The following DCP1A variants were observed in gnomAD, a reference collection of about 807,000 sequenced individuals.
The protein encoded by DCP1A is mRNA-decapping enzyme 1A.
DCP1A carries 20 observed loss-of-function variants against 58.0 expected under a neutral mutation model. That is an observed-to-expected ratio of 0.34 (90% CI 0.24 to 0.50). The LOEUF (loss-of-function observed/expected upper bound fraction) is 0.50, where lower values mean the gene tolerates loss of function less well. Among genes scored for constraint, DCP1A ranks in the 20% least tolerant of loss-of-function variants. The pLI is 0.98. For missense variants in DCP1A, 613 were observed against 712.2 expected (o/e 0.86, Z 1.59); for synonymous variants, 285 against 275.1 (o/e 1.04, Z -0.36).
At chr3:53,308,750 T>C (rs1386015846) in intron 5 of DCP1A, among the ~76,000 whole-genome samples, 3 of 152,020 alleles carry the variant, frequency 2.0e-5, no homozygotes, top group Admixed American at 6.6e-5. Flanking sequence ...TGTGCCACCA[T>C]GCCTAACTAA....
chr3:53,296,945 T>C (rs1010994581), intron 6 of DCP1A, among the ~76,000 whole-genome samples: 1 of 152,248 alleles, frequency 6.6e-6, no homozygotes, highest in African/African-American at 2.4e-5. Context: ...GTTTAACTTT[T>C]TGAGGAATCA....
chr3:53,333,613 G>A (rs2089056074), intron 3 of DCP1A, among the ~76,000 whole-genome samples: 1 of 151,708 alleles, frequency 6.6e-6, no homozygotes, highest in African/African-American at 2.4e-5. Context: ...AGACAGCCTG[G>A]GCAATAAAGC....
chr3:53,318,304 A>T, intron 4 of DCP1A, among the ~76,000 whole-genome samples: 1 of 152,012 alleles, frequency 6.6e-6, no homozygotes, highest in South Asian at 2.1e-4. Flanking sequence ...GACTCTGTCT[A>T]AAAAAAACCA....
intron 3 of DCP1A, among the ~76,000 whole-genome samples, chr3:53,327,218 A>G (rs1708134963): frequency 6.6e-6 from 1 of 152,024 alleles, no homozygotes; most frequent in African/African-American, 2.4e-5. Context: ...TCTCCTACAC[A>G]TTTTTCTACC....
intron 8 of DCP1A, chr3:53,290,503 GGGAGAGGA>G: frequency 1.8e-6 from 1 of 568,892 alleles, no homozygotes; most frequent in Non-Finnish European, 3.1e-6. Flanking sequence ...AGGACGGGGT[GGGAGAGGA>G]CCTGGCCTAG....
chr3:53,318,534 T>C (rs1229984064), intron 4 of DCP1A, among the ~76,000 whole-genome samples: 1 of 151,898 alleles, frequency 6.6e-6, no homozygotes, highest in Non-Finnish European at 1.5e-5. Context: ...GTCTACCTAT[T>C]ATAGCATTTT....
At chr3:53,332,857 C>CA (rs782238241) in intron 3 of DCP1A, among the ~76,000 whole-genome samples, 2,091 of 132,900 alleles carry the variant, frequency 0.016, 45 homozygotes, top group African/African-American at 0.052. Context: ...GACTCCGTTT[C>CA]AAAAAAAAAA....
In DCP1A at chr3:53,320,195, C is replaced by G. The variant is rs190319390; in HGVS notation, c.305-722G>C. On this transcript the variant is annotated intron_variant, in intron 3 of 9. Transcript: ENST00000610213. ...TCAAAACAAACCCCAGCTCTATATCCATCCTATGACTGACTGTTTACATGT... is the reference window on the plus strand; with the variant it reads ...TCAAAACAAACCCCAGCTCTATATCGATCCTATGACTGACTGTTTACATGT... Among the ~76,000 whole-genome samples the G allele has an allele frequency of 2.6e-3, 394 of 151,988 alleles. 4 individuals are homozygous for G. Among genetic ancestry groups the G allele is most frequent in the Admixed American group, 0.022 (331 of 15,248 alleles).
chr3:53,313,314 A>C (rs546765132), intron 4 of DCP1A, among the ~76,000 whole-genome samples: 1 of 152,170 alleles, frequency 6.6e-6, no homozygotes, highest in South Asian at 2.1e-4. Context: ...AGCTATTTGG[A>C]AGGCTGAGGT....
intron 6 of DCP1A, among the ~76,000 whole-genome samples, chr3:53,302,441 T>C (rs782723818): frequency 1.1e-4 from 16 of 152,192 alleles, no homozygotes; most frequent in Non-Finnish European, 2.1e-4. Context: ...ACTGCCCTTC[T>C]TTCCCGTAAG....
chr3:53,329,427 T>C lies in DCP1A; in HGVS notation c.305-9954A>G, dbSNP rs2088941835. On this transcript the variant is annotated intron_variant, in intron 3 of 9. Coordinates refer to ENST00000610213, the MANE Select transcript of DCP1A (RefSeq NM_018403.7). ...AGTGAAGCAGAAACGAAGGGGTACT[T>C]CTCTCTGGCTTTTGGAGGTAAGTTC... 4 of 398,552 alleles carry C rather than the reference T, an allele frequency of 1.0e-5. No individual in the cohort carries two copies. In the South Asian group the frequency reaches 5.1e-4, roughly 51 times the overall value. 24.7% of individuals were successfully genotyped at this position (398,552 alleles called of 1,614,324 possible). A position where few individuals can be genotyped will look rare whatever the true frequency, so the allele number is the denominator to read the frequency against.
At chr3:53,294,703 C>T (rs1707056453) in intron 6 of DCP1A, among the ~76,000 whole-genome samples, 1 of 152,210 alleles carries the variant, frequency 6.6e-6, no homozygotes. Flanking sequence ...CTGCTCCTTT[C>T]CAGCTGTGTG....
chr3:53,309,196 C>G (rs782501213), intron 5 of DCP1A, among the ~76,000 whole-genome samples: 1 of 151,584 alleles, frequency 6.6e-6, no homozygotes, highest in Non-Finnish European at 1.5e-5. Context: ...ATGGTGAAAC[C>G]CTGTCTCTAC....
At chr3:53,311,641 C>T (rs1397914050) in intron 5 of DCP1A, among the ~76,000 whole-genome samples, 4 of 152,280 alleles carry the variant, frequency 2.6e-5, no homozygotes, top group Non-Finnish European at 4.4e-5. Context: ...GCATCTACCA[C>T]CAATTACAGA....
rs541030727 is a variant in DCP1A at position 53,288,442 on chromosome 3, T to C, written c.1450-159A>G. 1.8e-5 allele frequency: 11 copies of C among 609,832 alleles called. No individual in the cohort carries two copies. The East Asian group carries it at 3.0e-4, about 17-fold the overall frequency. 37.8% of individuals were successfully genotyped at this position (609,832 alleles called of 1,614,324 possible). A position where few individuals can be genotyped will look rare whatever the true frequency, so the allele number is the denominator to read the frequency against. On this transcript the variant is annotated intron_variant, in intron 8 of 9. Coordinates refer to ENST00000610213, the MANE Select transcript of DCP1A (RefSeq NM_018403.7). The stretch of plus-strand genomic sequence containing the variant: ...AACATTCAGTAGGAACATGTGAACA[T>C]CTGACATCTGGTTATAAACTTCCAT...
intron 6 of DCP1A, among the ~76,000 whole-genome samples, chr3:53,299,722 C>CT (rs1300649859): frequency 6.6e-6 from 1 of 152,248 alleles, no homozygotes; most frequent in African/African-American, 2.4e-5. Flanking sequence ...CTCCTCAGCA[C>CT]TAGATGGCAG....
At chr3:53,289,303 AAAG>A (rs1706765303) in intron 8 of DCP1A, among the ~76,000 whole-genome samples, 1 of 151,092 alleles carries the variant, frequency 6.6e-6, no homozygotes, top group Non-Finnish European at 1.5e-5. Flanking sequence ...ACATTGCAAT[AAAG>A]AAGAATTTAA....
At chr3:53,290,641 G>A in intron 8 of DCP1A, 150 bp downstream of exon 8, 2 of 696,312 alleles carry the variant, frequency 2.9e-6, no homozygotes, top group Non-Finnish European at 5.1e-6. Flanking sequence ...GGGAGTCCTG[G>A]CTGGTCCAAA....
At chr3:53,343,346 C>T (rs1380602539) in intron 2 of DCP1A, among the ~76,000 whole-genome samples, 1 of 152,192 alleles carries the variant, frequency 6.6e-6, no homozygotes, top group Non-Finnish European at 1.5e-5. Flanking sequence ...GCAAAATAGT[C>T]TCACATTTTC....
Sources: allele counts gnomAD v4.1 joint callset (sites outside exome capture counted in the v4.1 genomes callset), GRCh38; gene constraint gnomAD v4.1.1; transcripts MANE v1.5; gene names NCBI Gene and HGNC (gene_info 2026-07-23, HGNC 2026-07-21).